CACNA2D1: variants seen among roughly 807,000 people sequenced by gnomAD.
CACNA2D1 encodes voltage-dependent calcium channel subunit alpha-2/delta-1.
A neutral mutation model predicts 171.5 loss-of-function variants in CACNA2D1; 53 were observed. The ratio of observed to expected loss-of-function variants is 0.31; its 90% CI spans 0.25 to 0.39. CACNA2D1 has a LOEUF of 0.39. Ranked by LOEUF, CACNA2D1 falls within the 10% of genes least tolerant of loss-of-function variation. CACNA2D1 has a pLI of 1.00. For synonymous variants in CACNA2D1, 442 were observed against 443.1 expected, an observed-to-expected ratio of 1.00 and a Z score of 0.03; for missense variants, 903 against 1,299.8, an observed-to-expected ratio of 0.69 and a Z score of 4.69.
At chr7:82,286,532 A>G (rs1252618820) in intron 3 of CACNA2D1, among the ~76,000 whole-genome samples, 1 of 152,174 alleles carries the variant, frequency 6.6e-6, no homozygotes, top group African/African-American at 2.4e-5. Context: ...TAAGCAAAAT[A>G]CAAAGTTGTA....
intron 4 of CACNA2D1, among the ~76,000 whole-genome samples, chr7:82,158,329 C>G (rs928009004): frequency 1.3e-5 from 2 of 151,498 alleles, no homozygotes; most frequent in East Asian, 3.9e-4. Flanking sequence ...AATTATGTTC[C>G]AATAGGGAAT....
chr7:81,955,960 C>CTATA (rs764892530), intron 38 of CACNA2D1, among the ~76,000 whole-genome samples: 93 of 65,832 alleles, frequency 1.4e-3, no homozygotes, highest in African/African-American at 3.4e-3. Context: ...GTCACTGTTG[C>CTATA]TATATATATA....
intron 1 of CACNA2D1, among the ~76,000 whole-genome samples, chr7:82,393,031 G>GAGGAAGGA (rs552898545): frequency 0.054 from 4,075 of 75,790 alleles, 243 homozygotes; most frequent in South Asian, 0.077. Context: ...GACAGAGAGA[G>GAGGAAGGA]AGGAAGGAAG....
intron 6 of CACNA2D1, among the ~76,000 whole-genome samples, chr7:82,094,952 C>A (rs1811680265): frequency 6.6e-6 from 1 of 152,056 alleles, no homozygotes; most frequent in African/African-American, 2.4e-5. Flanking sequence ...ACTGCTGCCA[C>A]AATATTCTAC....
At chr7:82,348,097 C>G (rs1462722697) in intron 2 of CACNA2D1, among the ~76,000 whole-genome samples, 6 of 152,074 alleles carry the variant, frequency 3.9e-5, no homozygotes, top group Non-Finnish European at 8.8e-5. Context: ...CTCCATCTGT[C>G]GATAAAGACA....
intron 3 of CACNA2D1, among the ~76,000 whole-genome samples, chr7:82,299,401 C>A (rs900128434): frequency 3.9e-5 from 6 of 152,046 alleles, no homozygotes; most frequent in African/African-American, 1.4e-4. Context: ...TGGCTCACGT[C>A]TGTAATCCCA....
chr7:82,274,726 A>C (rs1285979604), intron 3 of CACNA2D1, among the ~76,000 whole-genome samples: 2 of 152,128 alleles, frequency 1.3e-5, no homozygotes, highest in Non-Finnish European at 2.9e-5. Context: ...ACACTTCCAC[A>C]CTCAAAAGAA....
At chr7:82,239,307 G>C (rs866570120) in intron 3 of CACNA2D1, among the ~76,000 whole-genome samples, 31 of 150,138 alleles carry the variant, frequency 2.1e-4, no homozygotes, top group African/African-American at 7.4e-4. Context: ...GTGGTGTACT[G>C]TTCTAAAAAA....
intron 3 of CACNA2D1, among the ~76,000 whole-genome samples, chr7:82,312,082 T>A (rs1227202974): frequency 6.6e-6 from 1 of 152,192 alleles, no homozygotes; most frequent in Non-Finnish European, 1.5e-5. Flanking sequence ...ATGAAAAAGT[T>A]ACAGCAAAGT....
At chr7:81,974,605 G>T in intron 24 of CACNA2D1, 53 bp from the exon 25 acceptor site, 1 of 912,144 alleles carries the variant, frequency 1.1e-6, no homozygotes, top group Non-Finnish European at 1.7e-6. Context: ...ACTTTACAGG[G>T]TAATTAAAGG....
intron 3 of CACNA2D1, among the ~76,000 whole-genome samples, chr7:82,260,608 G>A (rs745619156): frequency 3.9e-5 from 6 of 152,140 alleles, no homozygotes; most frequent in Admixed American, 1.3e-4. Flanking sequence ...TACATATGGC[G>A]TCCCATCCTT....
At chr7:82,370,190 A>G (rs1822226128) in intron 1 of CACNA2D1, among the ~76,000 whole-genome samples, 1 of 152,080 alleles carries the variant, frequency 6.6e-6, no homozygotes, top group Admixed American at 6.5e-5. Flanking sequence ...TAGTTAATGT[A>G]CTAGGACAAG....
intron 1 of CACNA2D1, 50 bp downstream of exon 1, chr7:82,443,315 C>A: frequency 6.4e-7 from 1 of 1,556,696 alleles, no homozygotes; most frequent in Non-Finnish European, 8.7e-7. Flanking sequence ...CCACCCCCAA[C>A]TCCCGCGGCG....
intron 4 of CACNA2D1, among the ~76,000 whole-genome samples, chr7:82,146,509 G>A (rs1378542247): frequency 7.4e-6 from 1 of 134,774 alleles, no homozygotes; most frequent in African/African-American, 2.8e-5. Flanking sequence ...TATATATAAA[G>A]ATATATATCT....
chr7:81,959,865 T>G (rs191501938), intron 36 of CACNA2D1, 36 bp from the exon 37 acceptor site: 2 of 1,598,998 alleles, frequency 1.3e-6, no homozygotes, highest in Non-Finnish European at 1.7e-6. Context: ...AAAATGAGTA[T>G]CTTTTCCAAA....
At position 81,964,011 on chromosome 7, in the gene CACNA2D1, C is replaced by T. The variant is rs755132896; in HGVS notation, c.2780+45G>A. The T allele has an allele frequency of 1.3e-5, 19 of 1,504,398 alleles. No homozygotes were observed. The East Asian group carries it at 3.0e-4, about 23-fold the overall frequency. The allele number at this position is 1,504,398 out of a possible 1,614,324, so 93.2% of individuals were successfully genotyped here. ...TTTCATCAGATGCTTTTTTATTTTA[C>T]AACTTCTTTCTTTCATTACCAATAA... On this transcript the variant is annotated intron_variant, in intron 34 of 38. Coordinates refer to ENST00000356860, the MANE Select transcript of CACNA2D1 (RefSeq NM_000722.4).
Position 81,956,380 on chromosome 7 carries a change from ATTC to A in CACNA2D1, c.3159+2892_3159+2894del, listed in dbSNP as rs760647236. ...GATAACCTATAAATCTTATCTAAAA[ATTC>A]TATGATTGACAGAAGTAAGCTTTTG... On this transcript the variant is annotated intron_variant, in intron 38 of 38. Coordinates refer to ENST00000356860, the MANE Select transcript of CACNA2D1 (RefSeq NM_000722.4). Among the ~76,000 whole-genome samples the A allele has an allele frequency of 1.8e-4, 27 of 152,238 alleles. No homozygotes were observed. In the East Asian group the frequency reaches 2.3e-3, roughly 13 times the overall value.
chr7:82,043,154 A>C (rs1479475282), intron 10 of CACNA2D1, among the ~76,000 whole-genome samples: 1 of 152,228 alleles, frequency 6.6e-6, no homozygotes, highest in Admixed American at 6.5e-5. Flanking sequence ...TAAAATGTTA[A>C]TCAATAATCA....
At chr7:82,205,924 T>A (rs777301660) in intron 3 of CACNA2D1, among the ~76,000 whole-genome samples, 5 of 152,262 alleles carry the variant, frequency 3.3e-5, no homozygotes, top group Non-Finnish European at 7.4e-5. Context: ...GATAGATATA[T>A]AACTTAAAAA....
Sources: gnomAD v4.1 joint callset for allele counts (sites outside exome capture counted in the v4.1 genomes callset) on GRCh38, gnomAD v4.1.1 for gene constraint, MANE v1.5 for transcripts, NCBI Gene and HGNC (gene_info 2026-07-23, HGNC 2026-07-21) for gene names.